KCNQ5: variants seen among roughly 807,000 people sequenced by gnomAD.
KCNQ5 encodes the protein potassium voltage-gated channel subfamily KQT member 5.
KCNQ5 carries 30 observed loss-of-function variants against 98.2 expected under a neutral mutation model. The ratio of observed to expected loss-of-function variants is 0.31; its 90% CI spans 0.23 to 0.41. The LOEUF (loss-of-function observed/expected upper bound fraction) is 0.41. KCNQ5 is among the 10% of genes least tolerant of loss of function. The pLI, the probability that KCNQ5 is intolerant of heterozygous loss-of-function variation, is 1.00. For missense variants in KCNQ5, 835 were observed against 1,182.5 expected, an observed-to-expected ratio of 0.71 and a Z score of 4.31; for synonymous variants, 458 against 449.4, an observed-to-expected ratio of 1.02 and a Z score of -0.24.
chr6:72,674,221 T>C (rs1317986915), intron 1 of KCNQ5, among the ~76,000 whole-genome samples: 2 of 152,138 alleles, frequency 1.3e-5, no homozygotes, highest in African/African-American at 4.8e-5. Context: ...TTTTGATTTT[T>C]TTTTTTGGAG....
At chr6:72,625,924 C>T (rs1291940594) in intron 1 of KCNQ5, among the ~76,000 whole-genome samples, 3 of 152,164 alleles carry the variant, frequency 2.0e-5, no homozygotes, top group Admixed American at 2.0e-4. Flanking sequence ...GGTTTCTGTT[C>T]TCAGCCTTCT....
intron 1 of KCNQ5, among the ~76,000 whole-genome samples, chr6:72,824,544 A>G (rs1191436986): frequency 6.6e-6 from 1 of 152,070 alleles, no homozygotes; most frequent in East Asian, 1.9e-4. Flanking sequence ...CTGCCTTTCA[A>G]TTTGCACATG....
intron 1 of KCNQ5, among the ~76,000 whole-genome samples, chr6:72,660,480 C>A (rs1766455619): frequency 6.6e-6 from 1 of 152,048 alleles, no homozygotes; most frequent in Non-Finnish European, 1.5e-5. Flanking sequence ...ATAACATGTG[C>A]CATATTTTGA....
chr6:72,903,883 T>G (rs922043818), intron 1 of KCNQ5, among the ~76,000 whole-genome samples: 1 of 152,198 alleles, frequency 6.6e-6, no homozygotes, highest in Non-Finnish European at 1.5e-5. Context: ...ATTATTTCTT[T>G]GTTGACTTTC....
At chr6:72,716,076 T>C (rs2154475184) in intron 1 of KCNQ5, among the ~76,000 whole-genome samples, 1 of 152,314 alleles carries the variant, frequency 6.6e-6, no homozygotes, top group African/African-American at 2.4e-5. Flanking sequence ...ATGTTATAGT[T>C]GCATCTTGTT....
chr6:72,767,163 G>T (rs907413533), intron 1 of KCNQ5, among the ~76,000 whole-genome samples: 1 of 151,950 alleles, frequency 6.6e-6, no homozygotes, highest in Non-Finnish European at 1.5e-5. Context: ...ATGAAGAGTT[G>T]TCTTTTGGTA....
At chr6:72,635,670 G>GTTTTTTTTTT (rs528990234) in intron 1 of KCNQ5, among the ~76,000 whole-genome samples, 52 of 65,064 alleles carry the variant, frequency 8.0e-4, no homozygotes, top group African/African-American at 1.4e-3. Flanking sequence ...ATTGCTCCTA[G>GTTTTTTTTTT]TTTTTTTTTT....
In KCNQ5 at chr6:72,711,828, A is replaced by G. The variant is rs190572474; in HGVS notation, c.398+89241A>G. On this transcript the variant is annotated intron_variant, in intron 1 of 13. Coordinates refer to ENST00000370398, the MANE Select transcript of KCNQ5 (RefSeq NM_019842.4). ...TTTCAGATGGAAGGAAGTTGGTGCC[A>G]TTTTAGAAGTGGAAAACACTGGACT... 1.3e-3 allele frequency among the ~76,000 whole-genome samples: 201 copies of G among 152,314 alleles called. 1 individual carries two copies. Among genetic ancestry groups the G allele is most frequent in the African/African-American group, 4.7e-3 (196 of 41,576 alleles).
intron 1 of KCNQ5, among the ~76,000 whole-genome samples, chr6:72,786,866 C>T (rs941394734): frequency 7.9e-5 from 12 of 151,810 alleles, no homozygotes; most frequent in East Asian, 1.9e-4. Context: ...ATTAGCCGGG[C>T]GTGGTGGCGG....
chr6:72,827,245 G>A (rs1776044284), intron 1 of KCNQ5, among the ~76,000 whole-genome samples: 1 of 152,074 alleles, frequency 6.6e-6, no homozygotes. Flanking sequence ...GTTCCCAGTA[G>A]TGGCATTGCT....
intron 1 of KCNQ5, among the ~76,000 whole-genome samples, chr6:72,900,687 T>A (rs977606620): frequency 6.6e-6 from 1 of 151,948 alleles, no homozygotes; most frequent in Non-Finnish European, 1.5e-5. Flanking sequence ...GGTTGCTGGA[T>A]CAAATAGTAG....
chr6:73,077,080 G>A (rs992727605), intron 3 of KCNQ5, among the ~76,000 whole-genome samples: 4 of 152,192 alleles, frequency 2.6e-5, no homozygotes, highest in Admixed American at 2.0e-4. Context: ...AAATTGCATA[G>A]GTAAAGCGCA....
intron 1 of KCNQ5, among the ~76,000 whole-genome samples, chr6:72,752,357 A>G (rs950214610): frequency 5.3e-5 from 8 of 152,154 alleles, no homozygotes; most frequent in African/African-American, 1.9e-4. Context: ...AACCTCAGAC[A>G]TTTAAGCTAA....
At chr6:73,156,492 G>C (rs1777365966) in intron 10 of KCNQ5, among the ~76,000 whole-genome samples, 1 of 152,132 alleles carries the variant, frequency 6.6e-6, no homozygotes. Context: ...AGGCGTGGTG[G>C]TGCGCACCTG....
At chr6:72,745,656 C>G (rs1345406332) in intron 1 of KCNQ5, among the ~76,000 whole-genome samples, 3 of 152,154 alleles carry the variant, frequency 2.0e-5, no homozygotes, top group African/African-American at 4.8e-5. Flanking sequence ...CCTTCTAACC[C>G]TTCTTAAAAG....
intron 3 of KCNQ5, among the ~76,000 whole-genome samples, chr6:73,050,941 T>C (rs1772206663): frequency 6.6e-6 from 1 of 152,226 alleles, no homozygotes; most frequent in Non-Finnish European, 1.5e-5. Flanking sequence ...TAGAATTCCA[T>C]GATCTAGATG....
rs192328110 is a variant in KCNQ5, at chr6:72,962,224, T to C, written c.399-41684T>C. On this transcript the variant is annotated intron_variant, in intron 1 of 13. Transcript: ENST00000370398. ...ATACATATATATATATATACACACA[T>C]ATATATATATATACACATATATATA... Among the ~76,000 whole-genome samples, 599 of 139,644 alleles carry C rather than the reference T, an allele frequency of 4.3e-3. 1 individual carries two copies. The highest frequency in any genetic ancestry group is 0.01 in the South Asian group (46 of 4,494). 91.6% of individuals were successfully genotyped at this position (139,644 alleles called of 152,430 possible). A position where few individuals can be genotyped will look rare whatever the true frequency, so the allele number is the denominator to read the frequency against.
At chr6:72,754,695 A>C (rs1771868482) in intron 1 of KCNQ5, among the ~76,000 whole-genome samples, 1 of 152,050 alleles carries the variant, frequency 6.6e-6, no homozygotes, top group South Asian at 2.1e-4. Flanking sequence ...AAATTTGTTC[A>C]GATTTATTAT....
At chr6:72,918,523 C>T (rs893762731) in intron 1 of KCNQ5, among the ~76,000 whole-genome samples, 2 of 151,844 alleles carry the variant, frequency 1.3e-5, no homozygotes, top group Non-Finnish European at 2.9e-5. Context: ...TTTTATTCCT[C>T]CAGGACCTTG....
Sources: allele counts gnomAD v4.1 joint callset (sites outside exome capture counted in the v4.1 genomes callset), GRCh38; gene constraint gnomAD v4.1.1; transcripts MANE v1.5; gene names NCBI Gene and HGNC (gene_info 2026-07-23, HGNC 2026-07-21).